The following GALNT13 variants were observed in gnomAD, a reference collection of about 807,000 sequenced individuals.
The protein encoded by GALNT13 is polypeptide N-acetylgalactosaminyltransferase 13.
Under a neutral mutation model 64.2 loss-of-function variants are expected in GALNT13, and 28 were observed. That is an observed-to-expected ratio of 0.44 (90% CI 0.32 to 0.60). The LOEUF is 0.60. GALNT13 is among the 20% of genes least tolerant of loss of function. The pLI is 0.05. For missense variants in GALNT13, 577 were observed against 669.8 expected, an observed-to-expected ratio of 0.86 and a Z score of 1.53; for synonymous variants, 214 against 224.6, an observed-to-expected ratio of 0.95 and a Z score of 0.42.
intron 3 of GALNT13, among the ~76,000 whole-genome samples, chr2:153,977,840 G>A (rs1293519164): frequency 6.6e-6 from 1 of 151,636 alleles, no homozygotes; most frequent in Non-Finnish European, 1.5e-5. Flanking sequence ...TTTAATTTTT[G>A]AAATTCTAAC....
intron 2 of GALNT13, among the ~76,000 whole-genome samples, chr2:153,925,539 A>G (rs2348540): frequency 0.78 from 111,366 of 142,440 alleles, 43,357 homozygotes; most frequent in East Asian, 0.96. Context: ...TGGCTATTTG[A>G]GCTCTTTTTT....
the GALNT13 span, among the ~76,000 whole-genome samples, chr2:153,489,696 G>A: frequency 6.6e-6 from 1 of 152,096 alleles, no homozygotes; most frequent in Non-Finnish European, 1.5e-5. Flanking sequence ...TTTGGAGAAG[G>A]ACTTTAAATT....
chr2:153,072,175 A>G, the GALNT13 span, among the ~76,000 whole-genome samples: 1 of 152,206 alleles, frequency 6.6e-6, no homozygotes, highest in Non-Finnish European at 1.5e-5. Flanking sequence ...GTGATTGATG[A>G]AGGCCAAACC....
At chr2:153,293,761 TTG>T in the GALNT13 span, among the ~76,000 whole-genome samples, 3,065 of 104,686 alleles carry the variant, frequency 0.029, 39 homozygotes, top group East Asian at 0.052. Context: ...TTTTTTCTGT[TTG>T]TGTGTGTGTG....
chr2:153,647,563 T>C, the GALNT13 span, among the ~76,000 whole-genome samples: 1 of 152,240 alleles, frequency 6.6e-6, no homozygotes, highest in South Asian at 2.1e-4. Flanking sequence ...TGAATGGTAA[T>C]GACTAGGTTT....
the GALNT13 span, among the ~76,000 whole-genome samples, chr2:153,395,773 A>T: frequency 6.6e-6 from 1 of 152,108 alleles, no homozygotes; most frequent in Admixed American, 6.6e-5. Context: ...AAGTCAAGGG[A>T]TTAACAAGAT....
At chr2:153,841,189 A>T in the GALNT13 span, among the ~76,000 whole-genome samples, 1 of 152,012 alleles carries the variant, frequency 6.6e-6, no homozygotes, top group Non-Finnish European at 1.5e-5. Flanking sequence ...GATATTTAAT[A>T]TTTTTCCTTC....
the GALNT13 span, among the ~76,000 whole-genome samples, chr2:153,824,714 A>T: frequency 6.6e-6 from 1 of 152,120 alleles, no homozygotes; most frequent in Non-Finnish European, 1.5e-5. Flanking sequence ...TAATGTTGAA[A>T]GTGGGGCCTG....
chr2:153,496,829 T>C, the GALNT13 span, among the ~76,000 whole-genome samples: 1 of 150,758 alleles, frequency 6.6e-6, no homozygotes, highest in Non-Finnish European at 1.5e-5. Flanking sequence ...CTACTAAAAA[T>C]ACAAAGAAAA....
chr2:153,311,330 A>T, the GALNT13 span, among the ~76,000 whole-genome samples: 1 of 151,386 alleles, frequency 6.6e-6, no homozygotes. Flanking sequence ...ATGGAAGAGT[A>T]TATTTTATTC....
At chr2:154,350,656 T>C (rs189750047) in intron 9 of GALNT13, among the ~76,000 whole-genome samples, 7 of 152,326 alleles carry the variant, frequency 4.6e-5, no homozygotes, top group Non-Finnish European at 8.8e-5. Flanking sequence ...ATCTATCATA[T>C]TAGTCCTATC....
intron 9 of GALNT13, among the ~76,000 whole-genome samples, chr2:154,376,768 G>A (rs1469644012): frequency 3.3e-5 from 5 of 152,016 alleles, no homozygotes; most frequent in South Asian, 2.1e-4. Flanking sequence ...AGTATTATTC[G>A]TGGATTTTCC....
At chr2:153,142,451 G>T in the GALNT13 span, among the ~76,000 whole-genome samples, 5 of 151,990 alleles carry the variant, frequency 3.3e-5, no homozygotes, top group African/African-American at 1.2e-4. Context: ...ATGATAAAAG[G>T]TTTAAATGGT....
the GALNT13 span, among the ~76,000 whole-genome samples, chr2:153,809,284 A>T: frequency 6.6e-6 from 1 of 152,214 alleles, no homozygotes; most frequent in African/African-American, 2.4e-5. Flanking sequence ...AAAATACACT[A>T]TGAAAATTCA....
At chr2:154,424,273 G>T (rs1478637104) in intron 11 of GALNT13, among the ~76,000 whole-genome samples, 1 of 152,086 alleles carries the variant, frequency 6.6e-6, no homozygotes, top group African/African-American at 2.4e-5. Context: ...GGGACTTGGA[G>T]CCTGACAGAC....
intron 12 of GALNT13, among the ~76,000 whole-genome samples, chr2:154,448,368 T>C (rs1701701576): frequency 6.6e-6 from 1 of 152,002 alleles, no homozygotes; most frequent in African/African-American, 2.4e-5. Context: ...AGGTCAAATT[T>C]TTTAAACAAA....
At chr2:153,370,513 A>G in the GALNT13 span, 1 of 152,198 alleles carries the variant, frequency 6.6e-6, no homozygotes, top group East Asian at 1.9e-4. Context: ...CATTTATTCC[A>G]AAATCTATCA....
the GALNT13 span, among the ~76,000 whole-genome samples, chr2:153,255,751 T>G: frequency 6.6e-6 from 1 of 152,194 alleles, no homozygotes; most frequent in Non-Finnish European, 1.5e-5. Flanking sequence ...GATATGAAAT[T>G]CTGGGTTGAA....
chr2:154,021,643 G>T (rs1302901764), intron 3 of GALNT13, among the ~76,000 whole-genome samples: 6 of 151,940 alleles, frequency 3.9e-5, no homozygotes, highest in African/African-American at 1.4e-4. Context: ...CATGTCATCT[G>T]CAAACAGGGA....
Sources: allele counts gnomAD v4.1 joint callset (sites outside exome capture counted in the v4.1 genomes callset), GRCh38; gene constraint gnomAD v4.1.1; transcripts MANE v1.5; gene names NCBI Gene and HGNC (gene_info 2026-07-23, HGNC 2026-07-21).